Variants in PLCXD3 observed in about 807,000 individuals in gnomAD.
PLCXD3 encodes phosphatidylinositol specific phospholipase C X domain containing 3.
PLCXD3 carries 19 observed loss-of-function variants against 25.5 expected under a neutral mutation model. The observed-to-expected ratio is 0.75, with a 90% CI of 0.52 to 1.09. PLCXD3 has a LOEUF of 1.09. Among genes scored for constraint, PLCXD3 ranks in the 50% least tolerant of loss-of-function variants. PLCXD3 has a pLI of 0.00. For missense variants in PLCXD3, 411 were observed against 388.1 expected (o/e 1.06, Z -0.50); for synonymous variants, 174 against 137.6 (o/e 1.26, Z -1.85).
At chr5:41,357,102 T>C (rs897709827) in intron 2 of PLCXD3, among the ~76,000 whole-genome samples, 2 of 152,220 alleles carry the variant, frequency 1.3e-5, no homozygotes, top group Non-Finnish European at 2.9e-5. Context: ...CAGAATCTGC[T>C]GGGTCACTTG....
intron 1 of PLCXD3, among the ~76,000 whole-genome samples, chr5:41,443,330 T>G (rs76140614): frequency 0.011 from 1,661 of 152,090 alleles, 26 homozygotes; most frequent in African/African-American, 0.038. Flanking sequence ...GTCGGTGCAA[T>G]GTATGCCATA....
chr5:41,335,982 T>C (rs936656205), intron 2 of PLCXD3, among the ~76,000 whole-genome samples: 4 of 152,098 alleles, frequency 2.6e-5, no homozygotes, highest in African/African-American at 9.6e-5. Flanking sequence ...TGAGGCTAAA[T>C]AAAAACTACT....
At chr5:41,348,866 A>G (rs1215962513) in intron 2 of PLCXD3, among the ~76,000 whole-genome samples, 1 of 152,204 alleles carries the variant, frequency 6.6e-6, no homozygotes, top group African/African-American at 2.4e-5. Flanking sequence ...CTTCAGAAAA[A>G]GCATGGAAAT....
rs1746665176 is a variant in PLCXD3 at position 41,415,173 on chromosome 5, A to AT, written c.104-32640dup. Among the ~76,000 whole-genome samples, 5 of 152,340 alleles carry AT rather than the reference A, an allele frequency of 3.3e-5. No homozygotes were observed. The South Asian group carries it at 1.0e-3, about 32-fold the overall frequency. ...AACCAAAGACATAGATTATTTTTAG[A>AT]TTAAAAAATTCAAGGTATAGCTAAT... On this transcript the variant is annotated intron_variant, in intron 1 of 2. Coordinates refer to ENST00000377801, the MANE Select transcript of PLCXD3 (RefSeq NM_001005473.3).
At chr5:41,492,078 G>A (rs1748711723) in intron 1 of PLCXD3, among the ~76,000 whole-genome samples, 1 of 152,200 alleles carries the variant, frequency 6.6e-6, no homozygotes. Flanking sequence ...GGTACTGGTT[G>A]TTCCTTTCCA....
At chr5:41,474,314 C>T in intron 1 of PLCXD3, among the ~76,000 whole-genome samples, 1 of 152,190 alleles carries the variant, frequency 6.6e-6, no homozygotes, top group East Asian at 1.9e-4. Context: ...ACAAGAAACA[C>T]TGTGCTTGGG....
intron 1 of PLCXD3, among the ~76,000 whole-genome samples, chr5:41,472,406 A>G (rs1180999165): frequency 1.3e-5 from 2 of 152,178 alleles, no homozygotes; most frequent in Non-Finnish European, 2.9e-5. Flanking sequence ...TGTTTTTCTC[A>G]TGACTTTAGA....
chr5:41,324,192 A>G (rs1469913814), intron 2 of PLCXD3, among the ~76,000 whole-genome samples: 2 of 152,214 alleles, frequency 1.3e-5, no homozygotes, highest in South Asian at 2.1e-4. Context: ...TCAGGAGCAT[A>G]TAGTGTCATG....
chr5:41,354,545 A>G (rs1478220743), intron 2 of PLCXD3, among the ~76,000 whole-genome samples: 1 of 152,024 alleles, frequency 6.6e-6, no homozygotes, highest in East Asian at 1.9e-4. Flanking sequence ...AATTCCTATG[A>G]CCACACCTCA....
intron 1 of PLCXD3, among the ~76,000 whole-genome samples, chr5:41,488,200 T>G (rs907042154): frequency 1.3e-5 from 2 of 150,650 alleles, no homozygotes; most frequent in Non-Finnish European, 2.9e-5. Flanking sequence ...GTTCTTGCGA[T>G]AGTTTACTGA....
chr5:41,452,806 TCC>T (rs760420359), intron 1 of PLCXD3, among the ~76,000 whole-genome samples: 10 of 152,052 alleles, frequency 6.6e-5, no homozygotes, highest in Admixed American at 5.2e-4. Flanking sequence ...CTTCTGAGGC[TCC>T]CATAGCTAAC....
At chr5:41,427,112 T>C (rs1746976985) in intron 1 of PLCXD3, among the ~76,000 whole-genome samples, 1 of 152,180 alleles carries the variant, frequency 6.6e-6, no homozygotes, top group Admixed American at 6.5e-5. Flanking sequence ...GTTTTCCTTC[T>C]CAGTGTCCAT....
intron 2 of PLCXD3, among the ~76,000 whole-genome samples, chr5:41,333,081 A>G (rs1743877636): frequency 6.6e-6 from 1 of 152,072 alleles, no homozygotes. Flanking sequence ...GTACCCTAGA[A>G]CTTAAAGTAT....
At chr5:41,384,903 G>A (rs983886067) in intron 1 of PLCXD3, among the ~76,000 whole-genome samples, 7 of 152,032 alleles carry the variant, frequency 4.6e-5, no homozygotes, top group Non-Finnish European at 1.0e-4. Context: ...CTGAGGTGTA[G>A]CCACAGCACC....
intron 1 of PLCXD3, among the ~76,000 whole-genome samples, chr5:41,416,987 T>C (rs979139378): frequency 6.6e-6 from 1 of 152,194 alleles, no homozygotes; most frequent in Non-Finnish European, 1.5e-5. Flanking sequence ...CTGGCATTCA[T>C]GGACCAAGAC....
intron 1 of PLCXD3, among the ~76,000 whole-genome samples, chr5:41,425,402 T>G (rs1746932331): frequency 6.6e-6 from 1 of 151,242 alleles, no homozygotes. Context: ...CCCCAGTACA[T>G]GCACACTCTT....
At chr5:41,485,926 A>G (rs1449468826) in intron 1 of PLCXD3, among the ~76,000 whole-genome samples, 1 of 152,096 alleles carries the variant, frequency 6.6e-6, no homozygotes, top group Non-Finnish European at 1.5e-5. Context: ...AGCTCATCAG[A>G]ATAGGTCCAA....
intron 1 of PLCXD3, among the ~76,000 whole-genome samples, chr5:41,417,059 C>A (rs896150885): frequency 6.6e-6 from 1 of 152,170 alleles, no homozygotes. Context: ...CTTCTCAAAT[C>A]TGTGGCCAAC....
intron 1 of PLCXD3, among the ~76,000 whole-genome samples, chr5:41,435,395 C>T (rs571725135): frequency 2.0e-4 from 31 of 152,224 alleles, no homozygotes; most frequent in African/African-American, 7.5e-4. Context: ...GTCAACCTGC[C>T]CTTGAAACCT....
Sources: gnomAD v4.1 joint callset for allele counts (sites outside exome capture counted in the v4.1 genomes callset) on GRCh38, gnomAD v4.1.1 for gene constraint, MANE v1.5 for transcripts, NCBI Gene and HGNC (gene_info 2026-07-23, HGNC 2026-07-21) for gene names.